Variants in ADAMTSL1 observed in about 807,000 individuals in gnomAD.
The protein encoded by ADAMTSL1 is ADAMTS-like protein 1.
ADAMTSL1 carries 126 observed loss-of-function variants against 201.8 expected under a neutral mutation model. The ratio of observed to expected loss-of-function variants is 0.62; its 90% CI spans 0.54 to 0.72. The LOEUF (loss-of-function observed/expected upper bound fraction) is 0.72. Ranked by LOEUF, ADAMTSL1 falls within the 30% of genes least tolerant of loss-of-function variation. ADAMTSL1 has a pLI of 0.00. For missense variants in ADAMTSL1, 2,679 were observed against 2,277.8 expected (o/e 1.18, Z -3.59); for synonymous variants, 1,121 against 903.4 (o/e 1.24, Z -4.32).
chr9:18,728,838 G>C (rs1163493193), intron 15 of ADAMTSL1, among the ~76,000 whole-genome samples: 1 of 152,212 alleles, frequency 6.6e-6, no homozygotes, highest in African/African-American at 2.4e-5. Context: ...AAGTTAAGTT[G>C]TTTAGACTTT....
At chr9:18,311,403 C>G in intron 2 of ADAMTSL1, among the ~76,000 whole-genome samples, 1 of 152,198 alleles carries the variant, frequency 6.6e-6, no homozygotes, top group East Asian at 1.9e-4. Context: ...CTGTCATCTC[C>G]TGCTGAAGCT....
chr9:18,777,471 T>A lies in ADAMTSL1; in HGVS notation c.3242T>A (p.Ile1081Asn), dbSNP rs781267799. ...ACCGAGCAGCGGCGCCTGGACGACA[T>A]CCTGGGGAACCTCTCCCAGCAGCCC... ...MVTEQRRLDD[I>N]LGNLSQQPEE... Residue 1081 changes from isoleucine (I) to asparagine (N), a missense_variant, in exon 19 of 29, where the codon ATC becomes AAC. Physicochemically the swap from Ile to Asn is moderately radical, Grantham distance 149 (BLOSUM62 -3). Transcript: ENST00000380548. 6.3e-7 allele frequency: 1 copy of A among 1,594,404 alleles called. No individual in the cohort carries two copies. Among genetic ancestry groups the A allele is most frequent in the African/African-American group, 1.3e-5 (1 of 74,580 alleles).
At chr9:18,376,161 T>C (rs1370002019) in intron 2 of ADAMTSL1, among the ~76,000 whole-genome samples, 1 of 152,216 alleles carries the variant, frequency 6.6e-6, no homozygotes, top group Non-Finnish European at 1.5e-5. Context: ...ACATTCCTTT[T>C]GCTCTCATTT....
At chr9:18,548,603 C>G (rs1820613341) in intron 3 of ADAMTSL1, among the ~76,000 whole-genome samples, 1 of 151,894 alleles carries the variant, frequency 6.6e-6, no homozygotes, top group South Asian at 2.1e-4. Flanking sequence ...ATGTTGTGAC[C>G]AGAGACTTGA....
chr9:18,018,540 C>T (rs898320167), intron 1 of ADAMTSL1, among the ~76,000 whole-genome samples: 3 of 152,070 alleles, frequency 2.0e-5, no homozygotes, highest in African/African-American at 7.2e-5. Context: ...AGTGTTCCCT[C>T]ACTCACCCTT....
chr9:17,998,371 G>A (rs1029153561), intron 1 of ADAMTSL1, among the ~76,000 whole-genome samples: 2 of 151,942 alleles, frequency 1.3e-5, no homozygotes, highest in African/African-American at 4.8e-5. Flanking sequence ...GGGCTGGGAG[G>A]CAGAGCTAGG....
At chr9:18,811,001 C>G (rs1419601624) in intron 20 of ADAMTSL1, among the ~76,000 whole-genome samples, 1 of 100,286 alleles carries the variant, frequency 1.0e-5, no homozygotes, top group Non-Finnish European at 1.9e-5. Flanking sequence ...CTGGTAAACA[C>G]CAATGAGTAC....
At chr9:18,688,706 A>ATATATATATATATATATATATATATATG (rs1831024405) in intron 13 of ADAMTSL1, among the ~76,000 whole-genome samples, 1 of 107,384 alleles carries the variant, frequency 9.3e-6, no homozygotes, top group African/African-American at 3.3e-5. Context: ...ATATATATAT[A>ATATATATATATATATATATATATATATG]TATGACTGTG....
At chr9:18,103,147 A>G (rs987356029) in intron 1 of ADAMTSL1, among the ~76,000 whole-genome samples, 1 of 152,196 alleles carries the variant, frequency 6.6e-6, no homozygotes, top group Non-Finnish European at 1.5e-5. Flanking sequence ...TTTACAGGAT[A>G]AAGAGATCTT....
chr9:18,590,049 G>C (rs1823806339), intron 4 of ADAMTSL1, among the ~76,000 whole-genome samples: 1 of 152,040 alleles, frequency 6.6e-6, no homozygotes. Flanking sequence ...TCTTTGTCTG[G>C]TTTTGGTATT....
rs555262147 is a variant in ADAMTSL1 at position 18,198,194 on chromosome 9, A to G, written c.207+34213A>G. Among the ~76,000 whole-genome samples, 225 of 152,018 alleles carry G rather than the reference A, an allele frequency of 1.5e-3. 1 individual carries two copies. Among genetic ancestry groups the G allele is most frequent in the African/African-American group, 4.6e-3 (192 of 41,502 alleles). On this transcript the variant is annotated intron_variant, in intron 2 of 29. Coordinates refer to the ADAMTSL1 transcript ENST00000680146. The stretch of plus-strand genomic sequence containing the variant: ...AGGCATTACCATTCAGGACATAGGC[A>G]TGGGCAAGGACTTCATGTCTAAAAC...
intron 1 of ADAMTSL1, among the ~76,000 whole-genome samples, chr9:17,971,297 C>G (rs906585622): frequency 3.3e-5 from 5 of 151,996 alleles, no homozygotes; most frequent in Non-Finnish European, 7.4e-5. Context: ...AAAATAGTTT[C>G]TTGTCTATTC....
chr9:18,260,261 A>T (rs979046802), intron 2 of ADAMTSL1, among the ~76,000 whole-genome samples: 4 of 152,230 alleles, frequency 2.6e-5, no homozygotes, highest in Non-Finnish European at 5.9e-5. Context: ...TTACTTTCAC[A>T]CAGCTCAGAG....
intron 1 of ADAMTSL1, among the ~76,000 whole-genome samples, chr9:18,132,454 A>T (rs2131970292): frequency 6.6e-6 from 1 of 151,964 alleles, no homozygotes; most frequent in South Asian, 2.1e-4. Context: ...CTTCCTAACT[A>T]CTCTTAATTG....
chr9:18,762,217 T>C (rs1046212850), intron 16 of ADAMTSL1, among the ~76,000 whole-genome samples: 1 of 151,912 alleles, frequency 6.6e-6, no homozygotes, highest in Admixed American at 6.6e-5. Context: ...GAGAGGAAAA[T>C]AGCGGGCACA....
Position 18,886,185 on chromosome 9 carries a change from T to C in ADAMTSL1, c.4250-1646T>C, listed in dbSNP as rs1237386674. Among the ~76,000 whole-genome samples, 43 of 127,062 alleles carry C rather than the reference T, an allele frequency of 3.4e-4. No homozygotes were observed. The South Asian group carries it at 5.5e-3, about 16-fold the overall frequency. 83.4% of individuals were successfully genotyped at this position (127,062 alleles called of 152,430 possible). ...GTATGTGTATATATATATATATATATATATATATATATATATATATATATA... is the reference window on the plus strand; with the variant it reads ...GTATGTGTATATATATATATATATACATATATATATATATATATATATATA... On this transcript the variant is annotated intron_variant, in intron 23 of 28. Coordinates refer to ENST00000380548, the MANE Select transcript of ADAMTSL1 (RefSeq NM_001040272.6).
intron 7 of ADAMTSL1, among the ~76,000 whole-genome samples, chr9:18,645,979 C>G (rs573282280): frequency 5.2e-4 from 79 of 151,912 alleles, no homozygotes; most frequent in African/African-American, 1.8e-3. Context: ...TTACCTTGGG[C>G]AGTATGGCCA....
intron 2 of ADAMTSL1, among the ~76,000 whole-genome samples, chr9:18,304,619 A>G (rs1254050749): frequency 6.6e-6 from 1 of 151,744 alleles, no homozygotes; most frequent in African/African-American, 2.4e-5. Context: ...TTGCTGATCT[A>G]GACAAGTTTG....
At chr9:17,954,196 C>T (rs2131380343) in intron 1 of ADAMTSL1, among the ~76,000 whole-genome samples, 1 of 152,156 alleles carries the variant, frequency 6.6e-6, no homozygotes, top group East Asian at 1.9e-4. Context: ...GGTAAAACTT[C>T]CTAAATGGCA....
Sources: gnomAD v4.1 joint callset for allele counts (sites outside exome capture counted in the v4.1 genomes callset) on GRCh38, gnomAD v4.1.1 for gene constraint, MANE v1.5 for transcripts, NCBI Gene and HGNC (gene_info 2026-07-23, HGNC 2026-07-21) for gene names.